The following ITPR2 variants were observed in gnomAD, a reference collection of about 807,000 sequenced individuals.
The protein encoded by ITPR2 is inositol 1,4,5-trisphosphate receptor type 2, also known as inositol 1,4,5-trisphosphate-gated calcium channel ITPR2.
A neutral mutation model predicts 317.1 loss-of-function variants in ITPR2; 207 were observed. That is an observed-to-expected ratio of 0.65 (90% CI 0.58 to 0.73). The LOEUF (loss-of-function observed/expected upper bound fraction) is 0.73. Among genes scored for constraint, ITPR2 ranks in the 30% least tolerant of loss-of-function variants. ITPR2 has a pLI of 0.00. For synonymous variants in ITPR2, 1,156 were observed against 1,149.1 expected (o/e 1.01, Z -0.12); for missense variants, 2,613 against 3,284.0 (o/e 0.80, Z 4.99).
At chr12:26,381,561 C>T (rs777064566) in intron 55 of ITPR2, among the ~76,000 whole-genome samples, 23 of 152,168 alleles carry the variant, frequency 1.5e-4, no homozygotes, top group Non-Finnish European at 2.9e-4. Flanking sequence ...TTTCTCTATA[C>T]CTGATTATAG....
intron 1 of ITPR2, among the ~76,000 whole-genome samples, chr12:26,805,081 C>T (rs915902077): frequency 2.0e-5 from 3 of 152,044 alleles, no homozygotes; most frequent in Non-Finnish European, 4.4e-5. Flanking sequence ...GTGATCATGA[C>T]CACAAATAAA....
At chr12:26,440,943 A>G (rs1406669374) in intron 46 of ITPR2, among the ~76,000 whole-genome samples, 1 of 152,150 alleles carries the variant, frequency 6.6e-6, no homozygotes, top group African/African-American at 2.4e-5. Flanking sequence ...GAGATGGATA[A>G]TTTTTCAATA....
intron 1 of ITPR2, among the ~76,000 whole-genome samples, chr12:26,819,786 G>A (rs1307906717): frequency 6.6e-6 from 1 of 151,400 alleles, no homozygotes; most frequent in Non-Finnish European, 1.5e-5. Flanking sequence ...GGCCATGTAA[G>A]TCAGGTGTGG....
intron 13 of ITPR2, among the ~76,000 whole-genome samples, chr12:26,672,755 C>T (rs1947812064): frequency 6.6e-6 from 1 of 152,052 alleles, no homozygotes; most frequent in Non-Finnish European, 1.5e-5. Context: ...ATCAATGAAT[C>T]CAGGAGCTGG....
Position 26,724,743 on chromosome 12 carries a change from C to T in ITPR2, c.280-1G>A, listed in dbSNP as rs755015168. On this transcript the variant is annotated splice_acceptor_variant, in intron 3 of 56. Coordinates refer to ENST00000381340, the MANE Select transcript of ITPR2 (RefSeq NM_002223.4). LOFTEE classifies it high-confidence loss of function. Reference sequence around the variant, plus strand: ...GTTTTTGTTCCAGTTCTGCAGCGTGCTATAAGATGATTATCAAATATTCAG... The same window carrying T: ...GTTTTTGTTCCAGTTCTGCAGCGTGTTATAAGATGATTATCAAATATTCAG... 1.3e-6 allele frequency: 2 copies of T among 1,597,254 alleles called. No individual in the cohort carries two copies. The highest frequency in any genetic ancestry group is 2.7e-5 in the African/African-American group (2 of 74,474).
At chr12:26,744,612 TACG>T (rs1949288655) in intron 2 of ITPR2, among the ~76,000 whole-genome samples, 1 of 152,106 alleles carries the variant, frequency 6.6e-6, no homozygotes, top group African/African-American at 2.4e-5. Context: ...GACATGAACA[TACG>T]AATAAAAAAA....
intron 2 of ITPR2, among the ~76,000 whole-genome samples, chr12:26,782,519 C>T (rs551897948): frequency 6.6e-6 from 1 of 152,206 alleles, no homozygotes; most frequent in South Asian, 2.1e-4. Context: ...ATACGACTAA[C>T]AGGTAGAATT....
chr12:26,659,928 T>TA (rs34668635), intron 15 of ITPR2, among the ~76,000 whole-genome samples: 1 of 152,254 alleles, frequency 6.6e-6, no homozygotes, highest in African/African-American at 2.4e-5. Context: ...TTTTTATCTT[T>TA]AAAAAGCCAC....
At chr12:26,499,233 T>C (rs1429691152) in intron 37 of ITPR2, among the ~76,000 whole-genome samples, 1 of 152,244 alleles carries the variant, frequency 6.6e-6, no homozygotes, top group Non-Finnish European at 1.5e-5. Context: ...CTTCGGCAGA[T>C]ATAATCACAG....
rs932960535 is a variant in ITPR2, at chr12:26,627,712, A to G, written c.3064+321T>C. 3.3e-5 allele frequency among the ~76,000 whole-genome samples: 5 copies of G among 152,258 alleles called. 1 individual carries two copies. In the South Asian group the frequency reaches 1.0e-3, roughly 32 times the overall value. Reference sequence around the variant, plus strand: ...CTGCATGTTCTCATTCATAAGTGGGAGTTCAACAATAAGAACACATGGACA... The same window carrying G: ...CTGCATGTTCTCATTCATAAGTGGGGGTTCAACAATAAGAACACATGGACA... On this transcript the variant is annotated intron_variant, in intron 23 of 56. Coordinates refer to ENST00000381340, the MANE Select transcript of ITPR2 (RefSeq NM_002223.4).
intron 46 of ITPR2, among the ~76,000 whole-genome samples, chr12:26,442,265 ATCGCTCAGGCACCACTAATTATTATTTTC>A (rs1941503433): frequency 6.6e-6 from 1 of 152,156 alleles, no homozygotes; most frequent in Non-Finnish European, 1.5e-5. Context: ...CTATCCTGAA[ATCGCTCAGGCACCACTAATTATTATTTTC>A]TCTACATTTC....
chr12:26,432,740 T>G (rs1322360530), intron 48 of ITPR2, among the ~76,000 whole-genome samples: 1 of 152,214 alleles, frequency 6.6e-6, no homozygotes, highest in Admixed American at 6.5e-5. Context: ...CTTATTTTAT[T>G]CTATAGGAGA....
intron 45 of ITPR2, among the ~76,000 whole-genome samples, chr12:26,474,177 A>C (rs1487377230): frequency 6.6e-6 from 1 of 152,226 alleles, no homozygotes; most frequent in Non-Finnish European, 1.5e-5. Context: ...TCTTCCGAGA[A>C]TCTGACTTTA....
intron 47 of ITPR2, 145 bp downstream of exon 47, chr12:26,438,982 A>C (rs573284318): frequency 2.0e-6 from 1 of 505,612 alleles, no homozygotes; most frequent in East Asian, 3.3e-5. Flanking sequence ...CTAAGCGGAC[A>C]CTCTTAAGAC....
chr12:26,602,298 T>C (rs956471942), intron 28 of ITPR2, 72 bp downstream of exon 28: 10 of 1,518,920 alleles, frequency 6.6e-6, no homozygotes, highest in Non-Finnish European at 8.0e-6. Flanking sequence ...AAAAAATTTC[T>C]TGGAACTTTG....
intron 34 of ITPR2, among the ~76,000 whole-genome samples, chr12:26,563,528 C>G (rs905364454): frequency 1.8e-4 from 27 of 151,794 alleles, no homozygotes; most frequent in Non-Finnish European, 3.7e-4. Flanking sequence ...TGCACTGCAG[C>G]CTGGTGAGAG....
intron 26 of ITPR2, among the ~76,000 whole-genome samples, chr12:26,619,002 G>A (rs569368076): frequency 7.9e-5 from 12 of 152,288 alleles, no homozygotes; most frequent in African/African-American, 2.6e-4. Context: ...TGTTATATAG[G>A]GAGGGAGCAC....
chr12:26,632,328 A>G (rs1946773391), intron 21 of ITPR2, among the ~76,000 whole-genome samples: 1 of 152,232 alleles, frequency 6.6e-6, no homozygotes, highest in Non-Finnish European at 1.5e-5. Context: ...AGGTTGCTCT[A>G]ACATCCAAAT....
chr12:26,395,500 G>A (rs981575094), intron 54 of ITPR2, among the ~76,000 whole-genome samples: 1 of 152,182 alleles, frequency 6.6e-6, no homozygotes, highest in African/African-American at 2.4e-5. Context: ...ACAATATCAT[G>A]TCTTAGAATG....
Sources: allele counts gnomAD v4.1 joint callset (sites outside exome capture counted in the v4.1 genomes callset), GRCh38; gene constraint gnomAD v4.1.1; transcripts MANE v1.5; gene names NCBI Gene and HGNC (gene_info 2026-07-23, HGNC 2026-07-21).